Variants in TP73 observed in about 807,000 individuals in gnomAD.
TP73 encodes the protein tumor protein p73, also known as p53-like transcription factor.
A neutral mutation model predicts 62.5 loss-of-function variants in TP73; 25 were observed. The observed-to-expected ratio is 0.40, with a 90% confidence interval of 0.29 to 0.56. The LOEUF (loss-of-function observed/expected upper bound fraction) is 0.56, where lower values mean the gene tolerates loss of function less well. TP73 is among the 20% of genes least tolerant of loss of function. TP73 has a pLI of 0.46. For synonymous variants in TP73, 423 were observed against 377.5 expected, an observed-to-expected ratio of 1.12 and a Z score of -1.40; for missense variants, 754 against 913.3, an observed-to-expected ratio of 0.83 and a Z score of 2.25.
At chr1:3,682,532 T>C in intron 2 of TP73, 102 bp downstream of exon 2, 3 of 1,195,828 alleles carry the variant, frequency 2.5e-6, no homozygotes, top group Non-Finnish European at 3.3e-6. Flanking sequence ...GCAGGAGGGG[T>C]GGCCCCGGGA....
rs562112249 is a variant in TP73, at chr1:3,727,640, G to A, written c.855G>A (p.Leu285=). Residue 285 remains leucine, a synonymous_variant, in exon 8 of 14, where the codon CTG becomes CTA. Coordinates refer to ENST00000378295, the MANE Select transcript of TP73 (RefSeq NM_005427.4). ...GCCCACCCGACAGTGGGCAGGTGCT[G>A]GGCCGCCGGTCCTTTGAGGGCCGCA... is the stretch of plus-strand genomic sequence containing the variant. The part of the protein sequence containing the change: ...ITLEMRDGQV[L]GRRSFEGRIC... 6 of 1,600,036 alleles carry A rather than the reference G, an allele frequency of 3.7e-6. No homozygotes were observed. In the African/African-American group the frequency reaches 8.0e-5, roughly 21 times the overall value.
At chr1:3,658,517 G>A (rs550503759) in intron 1 of TP73, among the ~76,000 whole-genome samples, 46 of 145,452 alleles carry the variant, frequency 3.2e-4, no homozygotes, top group African/African-American at 1.1e-3. Flanking sequence ...GGGAGGAAAC[G>A]TCTGGGCATA....
intron 4 of TP73, among the ~76,000 whole-genome samples, chr1:3,713,112 C>G (rs1430051454): frequency 6.6e-6 from 1 of 152,230 alleles, no homozygotes; most frequent in African/African-American, 2.4e-5. Flanking sequence ...ACCTTGGCCC[C>G]CATGAGCCTT....
rs773947408 is a variant in TP73, at chr1:3,701,896, C to A, written c.187-5653C>A. On this transcript the variant is annotated intron_variant, in intron 3 of 13. Transcript: ENST00000378295. This position sits in a 1 kb window ranked among gnomAD's most constrained non-coding sequence, Gnocchi z 4.7. ...GATGGGCCAGGTTACACAGGTGGAG[C>A]TGAGACTTGGCCCCAGGACTCCTGA... Among the ~76,000 whole-genome samples, 8 of 152,224 alleles carry A rather than the reference C, an allele frequency of 5.3e-5. No homozygotes were observed. Among genetic ancestry groups the A allele is most frequent in the Non-Finnish European group, 1.0e-4 (7 of 68,044 alleles).
Position 3,666,599 on chromosome 1 carries a change from C to T in TP73, c.-34+13958C>T, listed in dbSNP as rs1198545680. 6.6e-6 allele frequency among the ~76,000 whole-genome samples: 1 copy of T among 152,100 alleles called. No homozygotes were observed. On this transcript the variant is annotated intron_variant, in intron 1 of 13. Coordinates refer to ENST00000378295, the MANE Select transcript of TP73 (RefSeq NM_005427.4). The surrounding 1 kb of genome is among the most constrained non-coding windows in gnomAD (Gnocchi z 6.4). ...TTTTAATGGTCCCTCTGCTGGCTCC[C>T]TCCCCACCACCTCCTGCCCACCTCC... is the stretch of plus-strand genomic sequence containing the variant.
chr1:3,675,564 G>T (rs1302372806), intron 1 of TP73, among the ~76,000 whole-genome samples: 1 of 152,136 alleles, frequency 6.6e-6, no homozygotes, highest in Non-Finnish European at 1.5e-5. Flanking sequence ...CCAGTGTCCG[G>T]GATGGCTGGG....
At chr1:3,730,476 T>C (rs1325429485) in intron 11 of TP73, among the ~76,000 whole-genome samples, 1 of 152,166 alleles carries the variant, frequency 6.6e-6, no homozygotes, top group Non-Finnish European at 1.5e-5. Flanking sequence ...AGTACCAGGC[T>C]CACTCCTTGT....
Position 3,706,621 on chromosome 1 carries a change from G to A in TP73, c.187-928G>A, listed in dbSNP as rs1037933523. 2.0e-5 allele frequency among the ~76,000 whole-genome samples: 3 copies of A among 152,300 alleles called. No homozygotes were observed. The South Asian group carries it at 6.2e-4, about 32-fold the overall frequency. ...GCACCCGCCTCTGGATTTGGAAGGAGGGTCTTCCTCAGCAGCCCACCAAGT... is the reference window on the plus strand; with the variant it reads ...GCACCCGCCTCTGGATTTGGAAGGAAGGTCTTCCTCAGCAGCCCACCAAGT... On this transcript the variant is annotated intron_variant, in intron 3 of 13. Transcript: ENST00000378295.
intron 6 of TP73, among the ~76,000 whole-genome samples, chr1:3,726,412 T>G: frequency 2.2e-5 from 2 of 89,440 alleles, no homozygotes; most frequent in Non-Finnish European, 4.2e-5. Context: ...GATGGATGGA[T>G]GGATGGGGTG....
intron 4 of TP73, among the ~76,000 whole-genome samples, chr1:3,713,145 C>T (rs553172974): frequency 3.2e-4 from 49 of 152,354 alleles, no homozygotes; most frequent in African/African-American, 1.0e-3. Flanking sequence ...GCCAGTGAAT[C>T]AAACTGGGAC....
At chr1:3,730,878 T>G (rs1183270062) in intron 11 of TP73, 49 bp from the exon 12 acceptor site, 20 of 1,539,874 alleles carry the variant, frequency 1.3e-5, no homozygotes, top group Non-Finnish European at 1.8e-5. Flanking sequence ...AGGCTGCACC[T>G]GGATGCCCAG....
chr1:3,733,027 A>AGGCCC lies in TP73; in HGVS notation c.1861_1865dup (p.Lys623ProfsTer133), dbSNP rs1431254230. On this transcript the variant is annotated frameshift_variant, in exon 14 of 14. Coordinates refer to ENST00000378295, the MANE Select transcript of TP73 (RefSeq NM_005427.4). LOFTEE classifies it high-confidence loss of function. ...TTCGGCTTCGACCTGCCCGACTGCAAGGCCCGCAAGCAGCCCATCAAGGAG... is the reference window on the plus strand; with the variant it reads ...TTCGGCTTCGACCTGCCCGACTGCAAGGCCCGGCCCGCAAGCAGCCCATCAAGGAG... The AGGCCC allele has an allele frequency of 6.4e-7, 1 of 1,550,666 alleles. No individual in the cohort carries two copies. Among genetic ancestry groups the AGGCCC allele is most frequent in the South Asian group, 1.2e-5 (1 of 85,170 alleles).
rs752396818 is a variant in TP73, at chr1:3,732,981, G to A, written c.1813G>A (p.Gly605Ser). The change falls in exon 14 of 14, where the codon GGC (glycine) becomes AGC (serine). Residue 605 changes from glycine to serine, a missense_variant. This residue lies in a region of TP73 where 458 missense variants were observed against 528.7 expected (regional missense o/e 0.87). Coordinates refer to ENST00000378295, the MANE Select transcript of TP73 (RefSeq NM_005427.4). ...CCCCAACCGCGGCGGCCCAGGCGGCGGCCCTGACGAGTGGGCGGACTTCGG... is the reference window on the plus strand; with the variant it reads ...CCCCAACCGCGGCGGCCCAGGCGGCAGCCCTGACGAGTGGGCGGACTTCGG... Reference protein sequence around the residue: ...TIPNRGGPGGGPDEWADFGFD... With the variant: ...TIPNRGGPGGSPDEWADFGFD... 3.6e-5 allele frequency: 57 copies of A among 1,595,176 alleles called. No homozygotes were observed. The highest frequency in any genetic ancestry group is 2.7e-4 in the African/African-American group (20 of 74,468).
At chr1:3,722,575 A>G (rs955011458) in intron 5 of TP73, among the ~76,000 whole-genome samples, 1 of 152,234 alleles carries the variant, frequency 6.6e-6, no homozygotes, top group African/African-American at 2.4e-5. Context: ...CCCCCAGAGC[A>G]CAAGGGCTGC....
chr1:3,692,359 G>A (rs1011121355), intron 3 of TP73, among the ~76,000 whole-genome samples: 2 of 152,172 alleles, frequency 1.3e-5, no homozygotes, highest in Admixed American at 1.3e-4. Flanking sequence ...ATGCACTCGA[G>A]TCTGGCGGCA....
chr1:3,722,312 G>A, intron 5 of TP73, 105 bp downstream of exon 5: 2 of 1,378,796 alleles, frequency 1.5e-6, no homozygotes, highest in Non-Finnish European at 2.0e-6. Context: ...GACAGCATGG[G>A]CTTAGCCATT....
intron 1 of TP73, among the ~76,000 whole-genome samples, chr1:3,674,151 G>A (rs1450955911): frequency 6.6e-6 from 1 of 152,208 alleles, no homozygotes; most frequent in East Asian, 1.9e-4. Context: ...AACTGACCCA[G>A]GAAGCTGGTT....
At position 3,711,425 on chromosome 1, in the gene TP73, G is replaced by A. The variant is rs542870889; in HGVS notation, c.429+3634G>A. Among the ~76,000 whole-genome samples, 10 of 152,386 alleles carry A rather than the reference G, an allele frequency of 6.6e-5. No homozygotes were observed. In the South Asian group the frequency reaches 2.1e-3, roughly 32 times the overall value. ...TGGTGTGGACAGCTGGTTCCAGGAG[G>A]CCCTCGGGGCAGAGAATGAACAGGA... On this transcript the variant is annotated intron_variant, in intron 4 of 13. Coordinates refer to ENST00000378295, the MANE Select transcript of TP73 (RefSeq NM_005427.4).
At chr1:3,719,552 C>A (rs1041308964) in intron 4 of TP73, among the ~76,000 whole-genome samples, 4 of 152,220 alleles carry the variant, frequency 2.6e-5, no homozygotes, top group Non-Finnish European at 4.4e-5. Context: ...TGGACACAGG[C>A]CACTGCAAGT....
Sources: gnomAD v4.1 joint callset for allele counts (sites outside exome capture counted in the v4.1 genomes callset) on GRCh38, gnomAD v4.1.1 for gene constraint, gnomAD v4.1.1 regional missense constraint, Gnocchi (gnomAD v3.1) non-coding constraint, MANE v1.5 for transcripts, NCBI Gene and HGNC (gene_info 2026-07-23, HGNC 2026-07-21) for gene names.